CSMD1: variants seen among roughly 807,000 people sequenced by gnomAD.
The protein encoded by CSMD1 is CUB and sushi domain-containing protein 1.
CSMD1 carries 213 observed loss-of-function variants against 417.5 expected under a neutral mutation model. The ratio of observed to expected loss-of-function variants is 0.51; its 90% CI spans 0.46 to 0.57. The LOEUF is 0.57. CSMD1 is among the 20% of genes least tolerant of loss of function. The pLI is 0.00. For synonymous variants in CSMD1, 2,862 were observed against 1,736.8 expected (o/e 1.65, Z -16.11); for missense variants, 6,923 against 4,529.7 (o/e 1.53, Z -15.17).
At chr8:4,882,297 A>C (rs970624887) in intron 1 of CSMD1, among the ~76,000 whole-genome samples, 1 of 151,724 alleles carries the variant, frequency 6.6e-6, no homozygotes, top group Non-Finnish European at 1.5e-5. Flanking sequence ...CACGTGGCTG[A>C]ATGGCATACG....
chr8:3,156,955 T>C lies in CSMD1; in HGVS notation c.5914+942A>G, dbSNP rs1819573437. 2.1e-5 allele frequency among the ~76,000 whole-genome samples: 3 copies of C among 142,034 alleles called. No individual in the cohort carries two copies. In the Admixed American group the frequency reaches 2.1e-4, roughly 10 times the overall value. The allele number at this position is 142,034 out of a possible 152,430, so 93.2% of individuals were successfully genotyped here. On this transcript the variant is annotated intron_variant, in intron 39 of 69. Coordinates refer to ENST00000635120, the MANE Select transcript of CSMD1 (RefSeq NM_033225.6). ...TTGGATTTAGGGAGTGAGGGAGAAA[T>C]TTAAGGTAATACCCAGATTTGTTGT...
chr8:4,949,515 G>T (rs1256712077), intron 1 of CSMD1, among the ~76,000 whole-genome samples: 1 of 152,116 alleles, frequency 6.6e-6, no homozygotes. Flanking sequence ...TGCCTCCCAG[G>T]GGATATGCTG....
intron 1 of CSMD1, among the ~76,000 whole-genome samples, chr8:4,917,138 A>G (rs1415215290): frequency 1.3e-5 from 2 of 152,154 alleles, no homozygotes; most frequent in African/African-American, 2.4e-5. Flanking sequence ...AGGGAAAGGG[A>G]AAGTTGGCAT....
intron 3 of CSMD1, among the ~76,000 whole-genome samples, chr8:4,235,897 T>C (rs1714685): frequency 0.93 from 140,852 of 152,204 alleles, 66,177 homozygotes; most frequent in East Asian, 1. Context: ...ACACATCCCG[T>C]AGCTGAGCCG....
intron 2 of CSMD1, among the ~76,000 whole-genome samples, chr8:4,622,429 CT>C (rs1801836827): frequency 6.6e-6 from 1 of 152,030 alleles, no homozygotes; most frequent in Non-Finnish European, 1.5e-5. Flanking sequence ...GACAGCAAAA[CT>C]ATGGAGATGA....
chr8:3,922,677 C>T (rs559299819), intron 5 of CSMD1, among the ~76,000 whole-genome samples: 1 of 152,026 alleles, frequency 6.6e-6, no homozygotes, highest in African/African-American at 2.4e-5. Flanking sequence ...TGCTTTTCAT[C>T]CAAATCTGTA....
intron 1 of CSMD1, among the ~76,000 whole-genome samples, chr8:4,836,863 C>T (rs1210476787): frequency 6.6e-6 from 1 of 151,966 alleles, no homozygotes; most frequent in Non-Finnish European, 1.5e-5. Flanking sequence ...AAGAAATGAG[C>T]CCAAAGCTTA....
chr8:4,417,486 T>C (rs1214535661), intron 3 of CSMD1, among the ~76,000 whole-genome samples: 3 of 152,066 alleles, frequency 2.0e-5, no homozygotes, highest in Non-Finnish European at 2.9e-5. Context: ...CAGCAGTCTG[T>C]TAATACTACC....
chr8:4,441,286 G>C (rs1307673184), intron 2 of CSMD1, among the ~76,000 whole-genome samples: 111 of 110,780 alleles, frequency 1.0e-3, no homozygotes, highest in African/African-American at 3.6e-3. Flanking sequence ...TTTTTTTGGT[G>C]GGGGGAGTAG....
chr8:3,517,115 C>T (rs1164278161), intron 10 of CSMD1, among the ~76,000 whole-genome samples: 2 of 152,198 alleles, frequency 1.3e-5, no homozygotes, highest in Admixed American at 6.5e-5. Flanking sequence ...AGGAAGGAGG[C>T]CATGGTGTGG....
chr8:3,376,523 T>G (rs1810312853), intron 18 of CSMD1, among the ~76,000 whole-genome samples: 1 of 152,062 alleles, frequency 6.6e-6, no homozygotes, highest in South Asian at 2.1e-4. Flanking sequence ...CCTCCCATTC[T>G]CCGTGAAAAA....
Position 4,745,732 on chromosome 8 carries a change from G to A in CSMD1, c.86-108174C>T, listed in dbSNP as rs146451386. Among the ~76,000 whole-genome samples, 433 of 152,234 alleles carry A rather than the reference G, an allele frequency of 2.8e-3. 5 individuals carry two copies. The highest frequency in any genetic ancestry group is 9.5e-3 in the African/African-American group (395 of 41,548). On this transcript the variant is annotated intron_variant, in intron 1 of 69. Coordinates refer to ENST00000635120, the MANE Select transcript of CSMD1 (RefSeq NM_033225.6). Reference sequence around the variant, plus strand: ...ATCATTAACTTAGCATACTTTAATGGAGTAACACTCTCCAACATATTTAAA... The same window carrying A: ...ATCATTAACTTAGCATACTTTAATGAAGTAACACTCTCCAACATATTTAAA...
At chr8:3,570,836 G>C (rs899304562) in intron 10 of CSMD1, among the ~76,000 whole-genome samples, 2 of 152,262 alleles carry the variant, frequency 1.3e-5, no homozygotes, top group Non-Finnish European at 2.9e-5. Flanking sequence ...CACTTTCCGG[G>C]ATCTTGACTT....
chr8:3,254,810 G>T (rs1360726409), intron 26 of CSMD1, among the ~76,000 whole-genome samples: 1 of 151,912 alleles, frequency 6.6e-6, no homozygotes, highest in East Asian at 1.9e-4. Flanking sequence ...TTTGCCATGG[G>T]TTCAAACTTC....
rs201294611 is a variant in CSMD1, at chr8:4,679,819, GTTTA to G, written c.86-42265_86-42262del. ...TATAAAATGCATAATTATTTTAAAT[GTTTA>G]TTTAAATATGTAATAGATTAAATAT... On this transcript the variant is annotated intron_variant, in intron 1 of 69. Coordinates refer to ENST00000635120, the MANE Select transcript of CSMD1 (RefSeq NM_033225.6). Among the ~76,000 whole-genome samples, 753 of 152,012 alleles carry G rather than the reference GTTTA, an allele frequency of 5.0e-3. 11 individuals are homozygous for G. Among genetic ancestry groups the G allele is most frequent in the African/African-American group, 0.017 (720 of 41,488 alleles).
intron 2 of CSMD1, among the ~76,000 whole-genome samples, chr8:4,465,934 A>G (rs1800140440): frequency 2.0e-5 from 3 of 152,204 alleles, no homozygotes; most frequent in South Asian, 4.1e-4. Context: ...AAAAGTCAGT[A>G]GAGAAATTAT....
In CSMD1 at chr8:4,446,717, T is replaced by TTGTGTGTGTGTGTGTCTGTGTGTG. The variant is rs1252581204; in HGVS notation, c.303-26676_303-26653dup. Among the ~76,000 whole-genome samples, 168 of 144,434 alleles carry TTGTGTGTGTGTGTGTCTGTGTGTG rather than the reference T, an allele frequency of 1.2e-3. 2 individuals are homozygous for TTGTGTGTGTGTGTGTCTGTGTGTG. The highest frequency in any genetic ancestry group is 4.1e-3 in the African/African-American group (155 of 37,480). The allele number at this position is 144,434 out of a possible 152,430, so 94.8% of individuals were successfully genotyped here. A position where few individuals can be genotyped will look rare whatever the true frequency, so the allele number is the denominator to read the frequency against. On this transcript the variant is annotated intron_variant, in intron 2 of 69. Coordinates refer to ENST00000635120, the MANE Select transcript of CSMD1 (RefSeq NM_033225.6). ...ACTCGTGCCCACCACCATGCCTGAG[T>TTGTGTGTGTGTGTGTCTGTGTGTG]TGTGTGTGTGTGTGTCTGTGTGTGT...
chr8:3,067,516 G>C (rs1051435735), intron 49 of CSMD1, among the ~76,000 whole-genome samples: 7 of 151,760 alleles, frequency 4.6e-5, no homozygotes, highest in African/African-American at 9.7e-5. Flanking sequence ...AGTAAACTGA[G>C]AATCAGAATT....
intron 2 of CSMD1, among the ~76,000 whole-genome samples, chr8:4,604,424 G>A (rs1340819258): frequency 9.1e-6 from 1 of 110,486 alleles, no homozygotes; most frequent in Non-Finnish European, 2.0e-5. Context: ...CGTGCGTAAA[G>A]ACTAGGATCT....
Sources: gnomAD v4.1 joint callset for allele counts (sites outside exome capture counted in the v4.1 genomes callset) on GRCh38, gnomAD v4.1.1 for gene constraint, MANE v1.5 for transcripts, NCBI Gene and HGNC (gene_info 2026-07-23, HGNC 2026-07-21) for gene names.